The following ACER2 variants were observed in gnomAD, a reference collection of about 807,000 sequenced individuals.
ACER2 encodes alkaline ceramidase 2.
ACER2 carries 26 observed loss-of-function variants against 34.7 expected under a neutral mutation model. The ratio of observed to expected loss-of-function variants is 0.75; its 90% confidence interval spans 0.55 to 1.04. The LOEUF (loss-of-function observed/expected upper bound fraction) is 1.04, where lower values mean the gene tolerates loss of function less well. Among genes scored for constraint, ACER2 ranks in the 50% least tolerant of loss-of-function variants. ACER2 has a pLI of 0.00. For missense variants in ACER2, 352 were observed against 340.8 expected, an observed-to-expected ratio of 1.03 and a Z score of -0.26; for synonymous variants, 138 against 132.1, an observed-to-expected ratio of 1.04 and a Z score of -0.31.
chr9:19,427,026 G>A (rs1172503849), intron 3 of ACER2, among the ~76,000 whole-genome samples: 2 of 152,322 alleles, frequency 1.3e-5, no homozygotes, highest in East Asian at 3.9e-4. Flanking sequence ...GAGGCACTGG[G>A]TACCATATGT....
At chr9:19,410,332 C>A (rs1481134406) in intron 1 of ACER2, among the ~76,000 whole-genome samples, 1 of 152,094 alleles carries the variant, frequency 6.6e-6, no homozygotes, top group South Asian at 2.1e-4. Context: ...AAGTCTGGGC[C>A]CTTCCTTCCC....
At chr9:19,426,691 G>A (rs1475122143) in intron 3 of ACER2, among the ~76,000 whole-genome samples, 2 of 151,908 alleles carry the variant, frequency 1.3e-5, no homozygotes, top group Non-Finnish European at 2.9e-5. Context: ...GATTCTTGGA[G>A]GTAGGGGGAA....
chr9:19,436,640 GTCC>G (rs1830987008), intron 4 of ACER2, among the ~76,000 whole-genome samples: 1 of 152,186 alleles, frequency 6.6e-6, no homozygotes, highest in South Asian at 2.1e-4. Context: ...ATGTATTGTA[GTCC>G]TCCTTCTCTG....
intron 4 of ACER2, among the ~76,000 whole-genome samples, chr9:19,438,023 T>A (rs920854961): frequency 3.3e-5 from 5 of 152,236 alleles, no homozygotes; most frequent in African/African-American, 1.2e-4. Flanking sequence ...GTCTGTATCT[T>A]GCTAATGACT....
At chr9:19,415,619 A>G (rs542233703) in intron 1 of ACER2, among the ~76,000 whole-genome samples, 2 of 152,256 alleles carry the variant, frequency 1.3e-5, no homozygotes, top group Non-Finnish European at 2.9e-5. Context: ...CAAATAATAT[A>G]TAAATACATT....
At chr9:19,433,114 C>T (rs577116318) in intron 3 of ACER2, among the ~76,000 whole-genome samples, 25 of 145,088 alleles carry the variant, frequency 1.7e-4, no homozygotes, top group African/African-American at 4.9e-4. Context: ...CTAAGTTTCT[C>T]GAAGTGGAAT....
At chr9:19,412,871 AT>A (rs978157235) in intron 1 of ACER2, among the ~76,000 whole-genome samples, 2 of 152,122 alleles carry the variant, frequency 1.3e-5, no homozygotes, top group African/African-American at 4.8e-5. Flanking sequence ...TATTTATCTA[AT>A]CAATCCTTAT....
intron 1 of ACER2, among the ~76,000 whole-genome samples, chr9:19,416,209 T>G (rs1830235876): frequency 6.6e-6 from 1 of 152,214 alleles, no homozygotes; most frequent in Non-Finnish European, 1.5e-5. Flanking sequence ...CCCATTCATC[T>G]CCTTTTCTTC....
At chr9:19,411,922 A>C (rs1563869928) in intron 1 of ACER2, among the ~76,000 whole-genome samples, 1 of 152,160 alleles carries the variant, frequency 6.6e-6, no homozygotes, top group South Asian at 2.1e-4. Flanking sequence ...GGTGCTATTT[A>C]TTATATCCAT....
chr9:19,446,187 T>C (rs1319591383), intron 4 of ACER2, 94 bp from the exon 5 acceptor site: 4 of 1,575,254 alleles, frequency 2.5e-6, no homozygotes, highest in Non-Finnish European at 3.5e-6. Context: ...GTTGTAGGCA[T>C]GAGAGGAACC....
chr9:19,433,878 C>A (rs976666619), intron 3 of ACER2, among the ~76,000 whole-genome samples: 14 of 151,856 alleles, frequency 9.2e-5, no homozygotes, highest in African/African-American at 3.4e-4. Flanking sequence ...GTGCCCCTCA[C>A]CTCCCGGACG....
rs538391479 is a variant in ACER2, at chr9:19,451,477, C to T, written c.*841C>T. On this transcript the variant is annotated 3_prime_UTR_variant, in exon 6 of 6. Transcript: ENST00000340967. The stretch of plus-strand genomic sequence containing the variant: ...CTACCTCTGTGGAGAGATGGAGAGA[C>T]TTCAGATAAACGTGAAGCTAATGAG... 6.5e-6 allele frequency: 1 copy of T among 152,776 alleles called. No individual in the cohort carries two copies. Among genetic ancestry groups the T allele is most frequent in the African/African-American group, 2.4e-5 (1 of 41,582 alleles). The allele number at this position is 152,776 out of a possible 1,614,324, so 9.5% of individuals were successfully genotyped here.
chr9:19,428,067 CCTTTCCTTTCCT>C, intron 3 of ACER2, among the ~76,000 whole-genome samples: 1 of 123,484 alleles, frequency 8.1e-6, no homozygotes, highest in Non-Finnish European at 1.7e-5. Context: ...CCTTTCCTTT[CCTTTCCTTTCCT>C]TCTCTCTCTC....
chr9:19,418,024 A>G (rs1830287333), intron 1 of ACER2, among the ~76,000 whole-genome samples: 1 of 152,248 alleles, frequency 6.6e-6, no homozygotes, highest in South Asian at 2.1e-4. Flanking sequence ...AACCCCATCA[A>G]AAAGTGGGCA....
intron 5 of ACER2, 27 bp from the exon 6 acceptor site, chr9:19,450,423 G>A (rs1028713229): frequency 2.6e-6 from 4 of 1,563,980 alleles, no homozygotes; most frequent in South Asian, 2.3e-5. Flanking sequence ...TGCTCATCAG[G>A]TTCTCACCTC....
Position 19,423,939 on chromosome 9 carries a change from TG to T in ACER2, c.188del (p.Gly63AlafsTer4). 6.2e-7 allele frequency: 1 copy of T among 1,614,134 alleles called. No homozygotes were observed. On this transcript the variant is annotated frameshift_variant, in exon 2 of 6. Transcript: ENST00000340967. LOFTEE classifies it high-confidence loss of function. The part of the protein sequence containing the change: ...FRQYATCFNS[G>X]IYLIWTLLVV... The stretch of plus-strand genomic sequence containing the variant: ...GTCAGTATGCAACATGCTTCAACAG[TG>T]GCATCTACTTAATCTGGACTCTTTT...
rs185153243 is a variant in ACER2, at chr9:19,436,543, A to G, written c.503+1459A>G. 1.1e-4 allele frequency among the ~76,000 whole-genome samples: 13 copies of G among 113,602 alleles called. No individual in the cohort carries two copies. The East Asian group carries it at 2.8e-3, about 24-fold the overall frequency. The allele number at this position is 113,602 out of a possible 152,430, so 74.5% of individuals were successfully genotyped here. A position where few individuals can be genotyped will look rare whatever the true frequency, so the allele number is the denominator to read the frequency against. On this transcript the variant is annotated intron_variant, in intron 4 of 5. Coordinates refer to ENST00000340967, the MANE Select transcript of ACER2 (RefSeq NM_001010887.3). The stretch of plus-strand genomic sequence containing the variant: ...GCCTTTTTTATTCTTTGCCATCTTT[A>G]AAAAAAAATCTAGCTGTATTTTTTT...
At chr9:19,426,907 C>T (rs1211250298) in intron 3 of ACER2, among the ~76,000 whole-genome samples, 2 of 152,096 alleles carry the variant, frequency 1.3e-5, no homozygotes, top group Non-Finnish European at 2.9e-5. Context: ...ATAATGAAAG[C>T]ATATTGTGAG....
intron 1 of ACER2, among the ~76,000 whole-genome samples, 183 bp downstream of exon 1, chr9:19,409,375 C>A (rs1392375114): frequency 6.6e-6 from 1 of 152,220 alleles, no homozygotes; most frequent in Admixed American, 6.5e-5. Context: ...TCCTCCTCTC[C>A]TGTCCCCATT....
Sources: gnomAD v4.1 joint callset for allele counts (sites outside exome capture counted in the v4.1 genomes callset) on GRCh38, gnomAD v4.1.1 for gene constraint, MANE v1.5 for transcripts, NCBI Gene and HGNC (gene_info 2026-07-23, HGNC 2026-07-21) for gene names.